The following SLC5A11 variants were observed in gnomAD, a reference collection of about 807,000 sequenced individuals.
SLC5A11 encodes the protein solute carrier family 5 member 11, also known as sodium/myo-inositol cotransporter 2.
Under a neutral mutation model 69.8 loss-of-function variants are expected in SLC5A11, and 48 were observed. That is an observed-to-expected ratio of 0.69 (90% CI 0.55 to 0.87). The LOEUF is 0.87. SLC5A11 is among the 40% of genes least tolerant of loss of function. The probability of loss-of-function intolerance (pLI) is 0.00; values close to 1 mark genes in which losing one functional copy is unlikely to be tolerated. For synonymous variants in SLC5A11, 319 were observed against 342.4 expected (o/e 0.93, Z 0.75); for missense variants, 784 against 866.1 (o/e 0.91, Z 1.19).
intron 8 of SLC5A11, among the ~76,000 whole-genome samples, chr16:24,885,995 G>A (rs572523720): frequency 4.0e-5 from 6 of 150,068 alleles, no homozygotes; most frequent in Admixed American, 4.0e-4. Context: ...CAGAACAAAC[G>A]CTAAAGAAAA....
exon 2 of SLC5A11, chr16:24,858,688 C>T (rs747676779): frequency 6.2e-7 from 1 of 1,611,630 alleles, no homozygotes; most frequent in Non-Finnish European, 8.5e-7. Flanking sequence ...AGTTAGATCC[C>T]CTGGATGCGT....
chr16:24,906,999 G>T (rs1383125413), intron 11 of SLC5A11, 26 bp from the exon 13 acceptor site: 1 of 1,609,446 alleles, frequency 6.2e-7, no homozygotes, highest in Non-Finnish European at 8.5e-7. Context: ...AAGGACCGAG[G>T]CCCATGACCT....
At chr16:24,909,241 G>T in intron 14 of SLC5A11, 145 bp downstream of exon 15, 1 of 794,176 alleles carries the variant, frequency 1.3e-6, no homozygotes, top group Non-Finnish European at 2.0e-6. Context: ...GATGATTTGG[G>T]ACTCTGAAAA....
chr16:24,898,323 C>G (rs936555733), intron 10 of SLC5A11, among the ~76,000 whole-genome samples: 1 of 152,078 alleles, frequency 6.6e-6, no homozygotes, highest in African/African-American at 2.4e-5. Flanking sequence ...GCAATCCTCC[C>G]ACCTCAGCCT....
intron 3 of SLC5A11, among the ~76,000 whole-genome samples, chr16:24,863,090 A>G (rs2046704006): frequency 7.0e-6 from 1 of 142,206 alleles, no homozygotes; most frequent in Non-Finnish European, 1.5e-5. Context: ...ATTATATATA[A>G]TAGATATATA....
chr16:24,901,956 A>ACACACGCG (rs1393594765), intron 10 of SLC5A11, among the ~76,000 whole-genome samples: 12 of 95,840 alleles, frequency 1.3e-4, no homozygotes, highest in African/African-American at 2.1e-4. Context: ...ACACACACAC[A>ACACACGCG]CGCACACACA....
intron 8 of SLC5A11, among the ~76,000 whole-genome samples, chr16:24,890,527 G>A (rs11646284): frequency 7.8e-4 from 81 of 103,470 alleles, no homozygotes; most frequent in African/African-American, 2.9e-3. Context: ...AAGGAAGGAA[G>A]GAAAGAAAGG....
intron 10 of SLC5A11, among the ~76,000 whole-genome samples, chr16:24,903,641 A>G (rs1158368195): frequency 1.3e-5 from 2 of 152,152 alleles, no homozygotes; most frequent in Admixed American, 6.6e-5. Context: ...TTAACATAAT[A>G]TTCTCCAAGT....
chr16:24,862,975 A>G (rs1242792900), intron 3 of SLC5A11, among the ~76,000 whole-genome samples: 1 of 135,384 alleles, frequency 7.4e-6, no homozygotes, highest in East Asian at 2.1e-4. Flanking sequence ...TATATAATAT[A>G]TAATTATATA....
chr16:24,849,058 G>A (rs1815593814), intron 1 of SLC5A11, among the ~76,000 whole-genome samples: 1 of 152,176 alleles, frequency 6.6e-6, no homozygotes. Context: ...CACTCTTGGT[G>A]CTTAGATGTA....
chr16:24,887,918 T>A (rs274070), intron 8 of SLC5A11, among the ~76,000 whole-genome samples: 5 of 151,896 alleles, frequency 3.3e-5, no homozygotes, highest in Admixed American at 3.3e-4. Context: ...AAAGAGATAA[T>A]CTTTGCTTAT....
intron 1 of SLC5A11, among the ~76,000 whole-genome samples, chr16:24,848,088 G>A (rs1286717478): frequency 3.3e-5 from 5 of 152,202 alleles, no homozygotes; most frequent in Non-Finnish European, 5.9e-5. Context: ...ATGAGTAGGA[G>A]CTTGTCCAGC....
chr16:24,882,585 A>C (rs2048116996), intron 7 of SLC5A11, among the ~76,000 whole-genome samples: 1 of 152,162 alleles, frequency 6.6e-6, no homozygotes, highest in Non-Finnish European at 1.5e-5. Context: ...AGAGACTGGA[A>C]AGATTGCTCT....
intron 5 of SLC5A11, among the ~76,000 whole-genome samples, chr16:24,872,735 T>A (rs907535814): frequency 6.6e-6 from 1 of 151,514 alleles, no homozygotes. Flanking sequence ...TTACCCAGGC[T>A]GGTCTCGAAC....
intron 10 of SLC5A11, among the ~76,000 whole-genome samples, chr16:24,905,638 GCGCACACACA>G (rs1308846246): frequency 3.3e-3 from 229 of 70,292 alleles, no homozygotes; most frequent in African/African-American, 9.5e-3. Context: ...ACGCGCGCGC[GCGCACACACA>G]CACACACACA....
chr16:24,884,332 T>C (rs1268931471), intron 8 of SLC5A11, among the ~76,000 whole-genome samples: 2 of 152,020 alleles, frequency 1.3e-5, no homozygotes, highest in Non-Finnish European at 2.9e-5. Flanking sequence ...ACTGTTTTTG[T>C]TTTTGTTTTT....
chr16:24,910,330 C>T (rs755901640), exon 15 of SLC5A11: 52 of 1,613,920 alleles, frequency 3.2e-5, no homozygotes, highest in South Asian at 1.1e-4. Context: ...CTGGTTTACT[C>T]GTCACGACCC....
At chr16:24,866,575 TAAA>T (rs34838038) in intron 3 of SLC5A11, among the ~76,000 whole-genome samples, 7 of 126,002 alleles carry the variant, frequency 5.6e-5, no homozygotes, top group Admixed American at 1.6e-4. Flanking sequence ...AGATCCTGTC[TAAA>T]AAAAAAAAAA....
intron 1 of SLC5A11, among the ~76,000 whole-genome samples, chr16:24,850,081 A>C (rs1197757726): frequency 1.3e-5 from 2 of 151,912 alleles, no homozygotes; most frequent in Non-Finnish European, 2.9e-5. Context: ...AGGCCCACAG[A>C]CACACAGCAC....
Sources: gnomAD v4.1 joint callset for allele counts (sites outside exome capture counted in the v4.1 genomes callset) on GRCh38, gnomAD v4.1.1 for gene constraint, MANE v1.5 for transcripts, NCBI Gene and HGNC (gene_info 2026-07-23, HGNC 2026-07-21) for gene names.